The following MFSD11 variants were observed in gnomAD, a reference collection of about 807,000 sequenced individuals.
MFSD11 encodes UNC93-like protein MFSD11.
In MFSD11, 36 loss-of-function variants were observed where a neutral mutation model predicts 53.5. The ratio of observed to expected loss-of-function variants is 0.67; its 90% confidence interval spans 0.52 to 0.89. The LOEUF is 0.89. Among genes scored for constraint, MFSD11 ranks in the 40% least tolerant of loss-of-function variants. The pLI is 0.00. For synonymous variants in MFSD11, 186 were observed against 184.9 expected, an observed-to-expected ratio of 1.01 and a Z score of -0.05; for missense variants, 530 against 543.9, an observed-to-expected ratio of 0.97 and a Z score of 0.25.
At chr17:76,742,368 T>C (rs2078173995) in intron 5 of MFSD11, 95 bp downstream of exon 5, 1 of 984,754 alleles carries the variant, frequency 1.0e-6, no homozygotes, top group South Asian at 1.5e-5. Context: ...GGATCTTCCA[T>C]GTTACGTGAC....
At chr17:76,799,956 T>TTC in the MFSD11 span, among the ~76,000 whole-genome samples, 109 of 96,330 alleles carry the variant, frequency 1.1e-3, 3 homozygotes, top group Admixed American at 4.9e-3. Context: ...TTCTTTTTCC[T>TTC]TTTTTTTTTT....
intron 5 of MFSD11, 128 bp downstream of exon 5, chr17:76,742,401 G>A (rs377034062): frequency 6.8e-6 from 5 of 733,670 alleles, no homozygotes; most frequent in East Asian, 2.7e-5. Context: ...TAAATGTGAC[G>A]TGATTCCAAT....
rs1367560792 is a variant in MFSD11, at chr17:76,741,047, C to T, written c.243C>T (p.Ala81=). ...TAGGACCTCAACTCTCTATGTTTGC[C>T]AGTGGTTTATTTTACAGGTAAGTAG... is the stretch of plus-strand genomic sequence containing the variant. ...AIVGPQLSMF[A]SGLFYSMYIA... Residue 81 remains alanine, a synonymous_variant, in exon 3 of 13, where the codon GCC becomes GCT. Transcript: ENST00000685175. 3.1e-6 allele frequency: 5 copies of T among 1,606,496 alleles called. No individual in the cohort carries two copies. Among genetic ancestry groups the T allele is most frequent in the Admixed American group, 1.7e-5 (1 of 59,946 alleles).
chr17:76,737,616 A>G (rs1956503276), upstream of MFSD11: 4 of 212,610 alleles, frequency 1.9e-5, no homozygotes, highest in Admixed American at 5.6e-5. Context: ...GGCAGGAGGA[A>G]GAGGAGGTGC....
At chr17:76,770,363 A>C (rs1766685165) in intron 10 of MFSD11, among the ~76,000 whole-genome samples, 1 of 152,052 alleles carries the variant, frequency 6.6e-6, no homozygotes, top group African/African-American at 2.4e-5. Flanking sequence ...AATATAACTA[A>C]ATTATAAAAC....
chr17:76,789,283 C>T, the MFSD11 span, among the ~76,000 whole-genome samples: 1 of 150,082 alleles, frequency 6.7e-6, no homozygotes, highest in Non-Finnish European at 1.5e-5. Context: ...GGCATGGTTC[C>T]GGGGTTTGTG....
intron 8 of MFSD11, among the ~76,000 whole-genome samples, chr17:76,765,221 G>GTCAA (rs1428153254): frequency 1.3e-5 from 2 of 151,950 alleles, no homozygotes; most frequent in Non-Finnish European, 2.9e-5. Context: ...TCTTTTGCAT[G>GTCAA]TCAATATCCT....
At chr17:76,803,424 C>T in the MFSD11 span, among the ~76,000 whole-genome samples, 83 of 152,264 alleles carry the variant, frequency 5.5e-4, 2 homozygotes, top group South Asian at 0.017. Flanking sequence ...CTGCCTTTGT[C>T]GGACTAACAA....
intron 10 of MFSD11, among the ~76,000 whole-genome samples, chr17:76,773,633 G>A (rs1433232502): frequency 3.3e-5 from 5 of 151,230 alleles, no homozygotes; most frequent in Non-Finnish European, 7.4e-5. Flanking sequence ...TTTTCCAGAC[G>A]GAGTCTCGCT....
At chr17:76,770,188 C>T (rs1598739680) in intron 10 of MFSD11, among the ~76,000 whole-genome samples, 1 of 151,956 alleles carries the variant, frequency 6.6e-6, no homozygotes, top group Admixed American at 6.6e-5. Context: ...CAGGCGCCCG[C>T]CACTATGCCC....
the MFSD11 span, among the ~76,000 whole-genome samples, chr17:76,787,532 A>G: frequency 6.6e-6 from 1 of 150,384 alleles, no homozygotes. Context: ...TCTTTGCAAT[A>G]TGGCCTAAGT....
chr17:76,762,805 G>A (rs1025187509), intron 8 of MFSD11, among the ~76,000 whole-genome samples: 4 of 152,002 alleles, frequency 2.6e-5, no homozygotes, highest in Admixed American at 6.6e-5. Flanking sequence ...AAGCACCGGC[G>A]GGAAATCAAA....
At chr17:76,736,727 G>A (rs2077514908), upstream of MFSD11, 15 of 1,367,910 alleles carry the variant, frequency 1.1e-5, no homozygotes, top group Admixed American at 3.6e-5. Context: ...CTTCGCCGCG[G>A]ACCTTTGTGA....
chr17:76,796,196 T>A, the MFSD11 span, among the ~76,000 whole-genome samples: 1,327 of 152,218 alleles, frequency 8.7e-3, 19 homozygotes, highest in African/African-American at 0.029. Context: ...GACCTCTCTT[T>A]CTCCTTCCTT....
chr17:76,789,834 G>A, the MFSD11 span, among the ~76,000 whole-genome samples: 1 of 150,352 alleles, frequency 6.7e-6, no homozygotes, highest in Non-Finnish European at 1.5e-5. Flanking sequence ...CCCAGCCATG[G>A]TCACTCATAT....
Position 76,742,207 on chromosome 17 carries a change from C to CCTT in MFSD11, c.371_372insCTT (p.Thr124_Ile125insLeu). 1 of 1,614,174 alleles carries CCTT rather than the reference C, an allele frequency of 6.2e-7. No individual in the cohort carries two copies. Among genetic ancestry groups the CCTT allele is most frequent in the Non-Finnish European group, 8.5e-7 (1 of 1,180,034 alleles). ...TGGACAGCACAAGGAAACTGCCTGA[C>CCTT]AATCAATTCGGATGAGCACAGCATT... On this transcript the variant is annotated inframe_insertion, in exon 5 of 13. Transcript: ENST00000685175.
intron 7 of MFSD11, among the ~76,000 whole-genome samples, chr17:76,750,653 G>T (rs2078978559): frequency 6.6e-6 from 1 of 151,840 alleles, no homozygotes; most frequent in South Asian, 2.1e-4. Flanking sequence ...ACCGCGCCTG[G>T]CCGAGCTTTA....
chr17:76,739,885 G>A (rs763524275), intron 2 of MFSD11, among the ~76,000 whole-genome samples: 25 of 152,094 alleles, frequency 1.6e-4, no homozygotes, highest in Admixed American at 7.2e-4. Flanking sequence ...GAACAAATGC[G>A]GCCGGGTGCG....
intron 8 of MFSD11, among the ~76,000 whole-genome samples, chr17:76,764,616 T>G (rs963732505): frequency 1.3e-5 from 2 of 152,212 alleles, no homozygotes; most frequent in Admixed American, 1.3e-4. Context: ...TACCATTGTA[T>G]ATACCACATT....
Sources: allele counts gnomAD v4.1 joint callset (sites outside exome capture counted in the v4.1 genomes callset), GRCh38; gene constraint gnomAD v4.1.1; transcripts MANE v1.5; gene names NCBI Gene and HGNC (gene_info 2026-07-23, HGNC 2026-07-21).